Variants in PCNX2 observed in about 807,000 individuals in gnomAD.
PCNX2 encodes pecanex-like protein 2.
Under a neutral mutation model 223.8 loss-of-function variants are expected in PCNX2, and 168 were observed. The observed-to-expected ratio is 0.75, with a 90% CI of 0.66 to 0.85. PCNX2 has a LOEUF of 0.85. PCNX2 is among the 40% of genes least tolerant of loss of function. PCNX2 has a pLI of 0.00. For missense variants in PCNX2, 2,507 were observed against 2,675.5 expected (o/e 0.94, Z 1.39); for synonymous variants, 1,006 against 1,052.6 (o/e 0.96, Z 0.86).
At chr1:233,239,256 C>G (rs1377440796) in intron 8 of PCNX2, among the ~76,000 whole-genome samples, 2 of 152,182 alleles carry the variant, frequency 1.3e-5, no homozygotes, top group African/African-American at 4.8e-5. Flanking sequence ...CTATCGCCAA[C>G]TGAAATAAAC....
At chr1:233,266,930 G>T (rs1371524608) in intron 1 of PCNX2, among the ~76,000 whole-genome samples, 1 of 152,008 alleles carries the variant, frequency 6.6e-6, no homozygotes, top group Non-Finnish European at 1.5e-5. Flanking sequence ...AGCAGTTACA[G>T]TTCTTCCCAT....
intron 21 of PCNX2, among the ~76,000 whole-genome samples, chr1:233,113,529 C>A (rs1675235545): frequency 6.6e-6 from 1 of 152,190 alleles, no homozygotes; most frequent in African/African-American, 2.4e-5. Context: ...CTCGGAAGCT[C>A]TCAAATGAAT....
At chr1:233,150,018 C>G (rs12049140) in intron 19 of PCNX2, among the ~76,000 whole-genome samples, 1 of 151,986 alleles carries the variant, frequency 6.6e-6, no homozygotes, top group African/African-American at 2.4e-5. Context: ...CTCCCAACCC[C>G]CTATGTGTTT....
chr1:233,196,103 G>A (rs1251723257), intron 15 of PCNX2, among the ~76,000 whole-genome samples: 1 of 152,076 alleles, frequency 6.6e-6, no homozygotes, highest in Non-Finnish European at 1.5e-5. Flanking sequence ...TTAATTTTTG[G>A]TTCTAAACGT....
rs1204206047 is a variant in PCNX2 at position 233,118,511 on chromosome 1, AC to A, written c.3837+16501del. On this transcript the variant is annotated intron_variant, in intron 21 of 33. Coordinates refer to ENST00000258229, the MANE Select transcript of PCNX2 (RefSeq NM_014801.4). ...ACCTACAAAAAAAAAAAAAAAAAAA[AC>A]CCTCCCAAAACTGGTAAGTAAATTC... is the stretch of plus-strand genomic sequence containing the variant. Among the ~76,000 whole-genome samples, 46 of 138,540 alleles carry A rather than the reference AC, an allele frequency of 3.3e-4. No individual in the cohort carries two copies. In the South Asian group the frequency reaches 9.5e-3, roughly 29 times the overall value. 90.9% of individuals were successfully genotyped at this position (138,540 alleles called of 152,430 possible). A position where few individuals can be genotyped will look rare whatever the true frequency, so the allele number is the denominator to read the frequency against.
intron 21 of PCNX2, among the ~76,000 whole-genome samples, chr1:233,097,705 C>T (rs936274998): frequency 2.6e-5 from 4 of 152,318 alleles, no homozygotes; most frequent in East Asian, 1.9e-4. Context: ...AAAATATAGT[C>T]ATTTCCCTAC....
chr1:233,302,515 G>T, the PCNX2 span, among the ~76,000 whole-genome samples: 2 of 151,556 alleles, frequency 1.3e-5, no homozygotes, highest in African/African-American at 2.4e-5. Context: ...TTTATCAAAT[G>T]ATTTTTTTTA....
chr1:233,266,301 A>G (rs951014196), intron 1 of PCNX2, among the ~76,000 whole-genome samples: 5 of 152,314 alleles, frequency 3.3e-5, no homozygotes, highest in African/African-American at 9.6e-5. Context: ...TGAGCCCAGG[A>G]GTTCAAGACC....
intron 20 of PCNX2, among the ~76,000 whole-genome samples, chr1:233,136,969 G>T (rs986463277): frequency 2.0e-5 from 3 of 152,116 alleles, no homozygotes; most frequent in Non-Finnish European, 4.4e-5. Context: ...TGTTTAGTAG[G>T]GATGACTGGT....
chr1:233,025,092 T>G, intron 26 of PCNX2, 54 bp downstream of exon 26: 1 of 1,600,060 alleles, frequency 6.2e-7, no homozygotes, highest in Non-Finnish European at 8.6e-7. Context: ...CTTTCGGAGC[T>G]TCCTGTGCCA....
intron 26 of PCNX2, among the ~76,000 whole-genome samples, chr1:233,023,533 T>A (rs1670973631): frequency 6.6e-6 from 1 of 152,158 alleles, no homozygotes; most frequent in South Asian, 2.1e-4. Flanking sequence ...CCAACCATCA[T>A]CAAAGTCCAA....
chr1:233,188,437 G>A (rs776522519), intron 15 of PCNX2, among the ~76,000 whole-genome samples: 16 of 152,116 alleles, frequency 1.1e-4, no homozygotes, highest in Non-Finnish European at 2.1e-4. Flanking sequence ...TTCTGTCCCT[G>A]CCCTCTGGAC....
In PCNX2 at chr1:233,077,152, A is replaced by G. The variant is rs144660354; in HGVS notation, c.4076+12909T>C. Reference sequence around the variant, plus strand: ...AACAGACCAGTCACCCAAGGGAAGGATAAGTGACAAAGAATGAATAGGAAA... The same window carrying G: ...AACAGACCAGTCACCCAAGGGAAGGGTAAGTGACAAAGAATGAATAGGAAA... On this transcript the variant is annotated intron_variant, in intron 23 of 33. Coordinates refer to ENST00000258229, the MANE Select transcript of PCNX2 (RefSeq NM_014801.4). 1.7e-3 allele frequency among the ~76,000 whole-genome samples: 266 copies of G among 152,356 alleles called. 2 individuals carry two copies. The highest frequency in any genetic ancestry group is 6.8e-3 in the Middle Eastern group (2 of 294).
intron 23 of PCNX2, among the ~76,000 whole-genome samples, chr1:233,065,875 C>T (rs1001090695): frequency 2.3e-4 from 35 of 152,116 alleles, no homozygotes; most frequent in Non-Finnish European, 4.7e-4. Flanking sequence ...AGGGGTGGGT[C>T]CCTGGTGAAA....
Position 233,025,032 on chromosome 1 carries a change from A to G in PCNX2, c.4605+114T>C, listed in dbSNP as rs79316887. ...GGTTCCCCAGATGGCTGGGTTTCCA[A>G]TTCGGAAGCTGAGGATGACAGGCTT... On this transcript the variant is annotated intron_variant, in intron 26 of 33. Coordinates refer to ENST00000258229, the MANE Select transcript of PCNX2 (RefSeq NM_014801.4). The G allele has an allele frequency of 2.2e-3, 3,088 of 1,416,758 alleles. 61 individuals are homozygous for G. The African/African-American group carries it at 0.04, about 18-fold the overall frequency. The allele number at this position is 1,416,758 out of a possible 1,614,324, so 87.8% of individuals were successfully genotyped here.
rs1416031845 is a variant in PCNX2, at chr1:233,250,726, A to T, written c.2222+13T>A. Reference sequence around the variant, plus strand: ...GCAACAGCTCTCAAGCCTGGAAACAAAGCTCCACTCACCGAGCCTGAGAGA... The same window carrying T: ...GCAACAGCTCTCAAGCCTGGAAACATAGCTCCACTCACCGAGCCTGAGAGA... On this transcript the variant is annotated intron_variant, in intron 8 of 33. Transcript: ENST00000258229. 1.3e-6 allele frequency: 2 copies of T among 1,593,102 alleles called. No homozygotes were observed. The highest frequency in any genetic ancestry group is 1.7e-6 in the Non-Finnish European group (2 of 1,170,494).
At chr1:233,032,613 G>T (rs1671309038) in intron 25 of PCNX2, among the ~76,000 whole-genome samples, 2 of 151,888 alleles carry the variant, frequency 1.3e-5, no homozygotes, top group South Asian at 4.2e-4. Flanking sequence ...TAAACTGGGA[G>T]GGCTGATTGC....
intron 12 of PCNX2, among the ~76,000 whole-genome samples, chr1:233,212,430 T>C (rs1286698764): frequency 1.3e-5 from 2 of 152,194 alleles, no homozygotes; most frequent in African/African-American, 4.8e-5. Flanking sequence ...TGAAAAGAAA[T>C]AGGCAAATAA....
intron 1 of PCNX2, chr1:233,289,155 C>T (rs1259004882): frequency 1.2e-6 from 1 of 846,632 alleles, no homozygotes; most frequent in Admixed American, 1.7e-5. Flanking sequence ...CAGGATTCTC[C>T]TTTAAGCGAT....
Sources: allele counts gnomAD v4.1 joint callset (sites outside exome capture counted in the v4.1 genomes callset), GRCh38; gene constraint gnomAD v4.1.1; transcripts MANE v1.5; gene names NCBI Gene and HGNC (gene_info 2026-07-23, HGNC 2026-07-21).